JPH1: variants seen among roughly 807,000 people sequenced by gnomAD.
JPH1 encodes the protein junctophilin-1.
A neutral mutation model predicts 53.6 loss-of-function variants in JPH1; 12 were observed. The observed-to-expected ratio is 0.22, with a 90% CI of 0.14 to 0.36. The LOEUF is 0.36. JPH1 is among the 10% of genes least tolerant of loss of function. The probability of loss-of-function intolerance (pLI) is 1.00; values close to 1 mark genes in which losing one functional copy is unlikely to be tolerated. For synonymous variants in JPH1, 375 were observed against 363.8 expected (o/e 1.03, Z -0.35); for missense variants, 808 against 905.5 (o/e 0.89, Z 1.38).
chr8:74,320,213 C>G lies in JPH1; in HGVS notation c.379+696G>C, dbSNP rs1358519427. On this transcript the variant is annotated intron_variant, in intron 1 of 5. Coordinates refer to ENST00000342232, the MANE Select transcript of JPH1 (RefSeq NM_020647.4). The surrounding 1 kb of genome is among the most constrained non-coding windows in gnomAD (Gnocchi z 4.4). ...TCCAAGATCTCCAGGTCAGCAAAGA[C>G]TGCTACTCTTTTAAGACCAATACTT... 6.6e-6 allele frequency among the ~76,000 whole-genome samples: 1 copy of G among 152,200 alleles called. No individual in the cohort carries two copies. Among genetic ancestry groups the G allele is most frequent in the Non-Finnish European group, 1.5e-5 (1 of 68,034 alleles).
chr8:74,300,840 T>A (rs753435658), intron 2 of JPH1, among the ~76,000 whole-genome samples: 4 of 152,168 alleles, frequency 2.6e-5, no homozygotes, highest in Non-Finnish European at 2.9e-5. Context: ...GTTTTCCACT[T>A]CCTCACCCGT....
chr8:74,298,994 A>G (rs976158132), intron 2 of JPH1, among the ~76,000 whole-genome samples: 2 of 152,234 alleles, frequency 1.3e-5, no homozygotes, highest in African/African-American at 4.8e-5. Context: ...GACCTATTAC[A>G]AAAAGCCACG....
chr8:74,264,724 A>C (rs1157854042), intron 2 of JPH1, among the ~76,000 whole-genome samples: 1 of 152,210 alleles, frequency 6.6e-6, no homozygotes, highest in Non-Finnish European at 1.5e-5. Context: ...ACATTACTTC[A>C]TTATACAAAT....
At position 74,244,697 on chromosome 8, in the gene JPH1, T is replaced by C. The variant is rs1174398545; in HGVS notation, c.1737A>G (p.Ala579=). ...TGTTAGCGGATGGCTTGTGCACCAG[T>C]GCTGAGGAAGACTGGCTGGATCCAT... ...DGDGSSQSSS[A]LVHKPSANKW... The change falls in exon 4 of 6, where the codon GCA becomes GCG. Residue 579 remains alanine (A), a synonymous_variant. Transcript: ENST00000342232. The C allele has an allele frequency of 5.0e-6, 8 of 1,614,034 alleles. No homozygotes were observed. Among genetic ancestry groups the C allele is most frequent in the African/African-American group, 1.3e-5 (1 of 74,912 alleles).
At chr8:74,309,427 A>G (rs757070136) in intron 2 of JPH1, among the ~76,000 whole-genome samples, 1 of 152,016 alleles carries the variant, frequency 6.6e-6, no homozygotes, top group Admixed American at 6.6e-5. Context: ...TACATCTTCT[A>G]TCTTCTTGCA....
In JPH1 at chr8:74,252,798, C is replaced by T. The variant is rs564024224; in HGVS notation, c.1258+6587G>A. Among the ~76,000 whole-genome samples the T allele has an allele frequency of 2.6e-5, 4 of 151,682 alleles. No homozygotes were observed. In the East Asian group the frequency reaches 5.8e-4, roughly 22 times the overall value. On this transcript the variant is annotated intron_variant, in intron 3 of 5. Coordinates refer to ENST00000342232, the MANE Select transcript of JPH1 (RefSeq NM_020647.4). ...CCAACAAAGATCAAAAGAGACAAGG[C>T]CATTACATAATGGTAAAGGGATCAA...
At chr8:74,286,017 T>C (rs549985923) in intron 2 of JPH1, among the ~76,000 whole-genome samples, 45 of 152,284 alleles carry the variant, frequency 3.0e-4, no homozygotes, top group African/African-American at 1.1e-3. Flanking sequence ...ATACGGAAAG[T>C]TAAATGTTTT....
At chr8:74,248,673 A>AT (rs936215063) in intron 3 of JPH1, among the ~76,000 whole-genome samples, 1 of 152,214 alleles carries the variant, frequency 6.6e-6, no homozygotes, top group Non-Finnish European at 1.5e-5. Context: ...ATACAGTTAG[A>AT]TTTTCCAGAG....
intron 2 of JPH1, among the ~76,000 whole-genome samples, chr8:74,311,391 C>A (rs962311791): frequency 6.6e-6 from 1 of 152,044 alleles, no homozygotes; most frequent in African/African-American, 2.4e-5. Context: ...ATGTTCTGTA[C>A]AGATATTGTG....
At chr8:74,300,962 T>C (rs981883299) in intron 2 of JPH1, among the ~76,000 whole-genome samples, 2 of 152,154 alleles carry the variant, frequency 1.3e-5, no homozygotes, top group Admixed American at 1.3e-4. Flanking sequence ...ACCAGCCGTA[T>C]ACCGGGAATG....
chr8:74,262,799 C>T (rs1032674768), intron 2 of JPH1, among the ~76,000 whole-genome samples: 1 of 152,206 alleles, frequency 6.6e-6, no homozygotes, highest in African/African-American at 2.4e-5. Context: ...TGGTTATGCT[C>T]ACTGAGCAGC....
intron 3 of JPH1, among the ~76,000 whole-genome samples, chr8:74,257,933 C>G (rs1806284487): frequency 6.6e-6 from 1 of 152,146 alleles, no homozygotes; most frequent in African/African-American, 2.4e-5. Context: ...ATCTTCTTTG[C>G]CTGGCCTTTT....
At chr8:74,291,579 A>G (rs1327564664) in intron 2 of JPH1, among the ~76,000 whole-genome samples, 2 of 152,216 alleles carry the variant, frequency 1.3e-5, no homozygotes, top group African/African-American at 4.8e-5. Flanking sequence ...CGATTCCTCA[A>G]GGATCTAGAA....
At chr8:74,245,215 G>A in intron 3 of JPH1, 40 bp from the exon 4 acceptor site, 1 of 1,506,012 alleles carries the variant, frequency 6.6e-7, no homozygotes, top group East Asian at 2.3e-5. Flanking sequence ...AAGAAAGGAG[G>A]TATATATACA....
At chr8:74,309,817 C>A (rs1807938075) in intron 2 of JPH1, among the ~76,000 whole-genome samples, 1 of 152,186 alleles carries the variant, frequency 6.6e-6, no homozygotes, top group South Asian at 2.1e-4. Flanking sequence ...GAGCCTCAGT[C>A]CCTGCCACTG....
In JPH1 at chr8:74,320,850, GGGGCA is replaced by G; in HGVS notation, c.379+54_379+58del. The G allele has an allele frequency of 6.3e-6, 9 of 1,423,926 alleles. No individual in the cohort carries two copies. Among genetic ancestry groups the G allele is most frequent in the Non-Finnish European group, 8.3e-6 (9 of 1,088,936 alleles). 88.2% of individuals were successfully genotyped at this position (1,423,926 alleles called of 1,614,324 possible). Reference sequence around the variant, plus strand: ...GCGTCCTCCCCGCTTCCCCGCAGCCGGGGCAGAGCCCACCGCACCAGCTCGCGGAG... The same window carrying G: ...GCGTCCTCCCCGCTTCCCCGCAGCCGGAGCCCACCGCACCAGCTCGCGGAG... On this transcript the variant is annotated intron_variant, in intron 1 of 5. Coordinates refer to ENST00000342232, the MANE Select transcript of JPH1 (RefSeq NM_020647.4). This position sits in a 1 kb window ranked among gnomAD's most constrained non-coding sequence, Gnocchi z 4.4.
chr8:74,287,345 G>A (rs1025152651), intron 2 of JPH1, among the ~76,000 whole-genome samples: 3 of 151,760 alleles, frequency 2.0e-5, no homozygotes, highest in Non-Finnish European at 2.9e-5. Context: ...CGAGAATCGC[G>A]TGAACCTGGG....
At chr8:74,291,248 T>C (rs1684828564) in intron 2 of JPH1, among the ~76,000 whole-genome samples, 1 of 152,202 alleles carries the variant, frequency 6.6e-6, no homozygotes, top group African/African-American at 2.4e-5. Context: ...AAAGGGCTAA[T>C]ATCCAGAATC....
In JPH1 at chr8:74,259,544, C is replaced by T. The variant is rs200272110; in HGVS notation, c.1140-41G>A. On this transcript the variant is annotated intron_variant, in intron 2 of 5. Transcript: ENST00000342232. The stretch of plus-strand genomic sequence containing the variant: ...AAGGACGAGTCAGCATAGGTGACCC[C>T]TTGTTACTTACACAGGGACAAGCAA... 4.5e-5 allele frequency: 61 copies of T among 1,353,000 alleles called. 1 individual carries two copies. The East Asian group carries it at 1.6e-3, about 34-fold the overall frequency. 83.8% of individuals were successfully genotyped at this position (1,353,000 alleles called of 1,614,324 possible).
Sources: allele counts gnomAD v4.1 joint callset (sites outside exome capture counted in the v4.1 genomes callset), GRCh38; gene constraint gnomAD v4.1.1; non-coding constraint Gnocchi (gnomAD v3.1); transcripts MANE v1.5; gene names NCBI Gene and HGNC (gene_info 2026-07-23, HGNC 2026-07-21).